Variants in SNAPC4 observed in about 807,000 individuals in gnomAD.
SNAPC4 encodes small nuclear RNA activating complex polypeptide 4, also known as snRNA-activating protein complex subunit 4.
SNAPC4 carries 127 observed loss-of-function variants against 151.3 expected under a neutral mutation model. That is an observed-to-expected ratio of 0.84 (90% CI 0.73 to 0.97). The LOEUF is 0.97. Ranked by LOEUF, SNAPC4 falls within the 50% of genes least tolerant of loss-of-function variation. The probability of loss-of-function intolerance (pLI) is 0.00; values close to 1 mark genes in which losing one functional copy is unlikely to be tolerated. For missense variants in SNAPC4, 2,186 were observed against 1,935.0 expected, an observed-to-expected ratio of 1.13 and a Z score of -2.43; for synonymous variants, 1,002 against 824.4, an observed-to-expected ratio of 1.22 and a Z score of -3.69.
rs773323367 is a variant in SNAPC4 at position 136,392,773 on chromosome 9, C to G, written c.637G>C (p.Glu213Gln). ...RLLQPKLLKL[E>Q]YLHQKQSKVS... ...TTGCTCTGCTTCTGGTGCAAGTACT[C>G]GAGCCTGCAAAGCAGAGCAGAGGCA... is the stretch of plus-strand genomic sequence containing the variant. The change falls in exon 8 of 24, where the codon GAG becomes CAG. Residue 213 changes from glutamate (E) to glutamine (Q), a missense_variant. By Grantham distance (29) the Glu-to-Gln change is conservative. Transcript: ENST00000684778. 2.5e-6 allele frequency: 4 copies of G among 1,613,174 alleles called. No individual in the cohort carries two copies. The highest frequency in any genetic ancestry group is 3.4e-6 in the Non-Finnish European group (4 of 1,179,942).
At position 136,392,076 on chromosome 9, in the gene SNAPC4, G is replaced by C. The variant is rs145617474; in HGVS notation, c.841C>G (p.Arg281Gly). 3 of 1,612,424 alleles carry C rather than the reference G, an allele frequency of 1.9e-6. No homozygotes were observed. Among genetic ancestry groups the C allele is most frequent in the Admixed American group, 3.3e-5 (2 of 59,998 alleles). ...TGCTCCGAGTTCTGCCAGAACTTCC[G>C]GATCTCCTCTGCACTGCGGCTGCCT... ...FEGSRSAEEI[R>G]KFWQNSEHPS... The change falls in exon 10 of 24, where the codon CGG becomes GGG. Residue 281 changes from arginine to glycine, a missense_variant. Arg to Gly is a moderately radical substitution (Grantham distance 125). Coordinates refer to ENST00000684778, the MANE Select transcript of SNAPC4 (RefSeq NM_003086.4).
At position 136,377,966 on chromosome 9, in the gene SNAPC4, C is replaced by T. The variant is rs1171156802; in HGVS notation, c.3861G>A (p.Gly1287=). 19 of 1,602,428 alleles carry T rather than the reference C, an allele frequency of 1.2e-5. No individual in the cohort carries two copies. The highest frequency in any genetic ancestry group is 2.2e-5 in the East Asian group (1 of 44,660). The change falls in exon 22 of 24, where the codon GGG becomes GGA. Residue 1287 remains glycine (G), a synonymous_variant. Coordinates refer to ENST00000684778, the MANE Select transcript of SNAPC4 (RefSeq NM_003086.4). ...GAGGCACACGCACCCCCCGCTGGCCCCCCAGCCACTGCTGTGTGGCCGCCT... is the reference window on the plus strand; with the variant it reads ...GAGGCACACGCACCCCCCGCTGGCCTCCCAGCCACTGCTGTGTGGCCGCCT... ...EGEAATQQWL[G]GQRGVRVPLL...
intron 2 of SNAPC4, 74 bp from the exon 3 acceptor site, chr9:136,397,097 T>C: frequency 1.5e-6 from 2 of 1,310,840 alleles, no homozygotes; most frequent in Non-Finnish European, 2.2e-6. Flanking sequence ...TCACCACTGC[T>C]TCTTGGGCAG....
intron 13 of SNAPC4, 127 bp downstream of exon 13, chr9:136,387,358 A>C: frequency 1.3e-6 from 1 of 744,712 alleles, no homozygotes; most frequent in Non-Finnish European, 2.4e-6. Context: ...CTGGTCAGCG[A>C]CCCACACGGG....
chr9:136,395,548 G>A (rs569679836), intron 4 of SNAPC4, 55 bp downstream of exon 4: 46 of 1,569,572 alleles, frequency 2.9e-5, no homozygotes, highest in Admixed American at 1.4e-4. Context: ...GCCCAGCTGT[G>A]GGGGGCTCTG....
At chr9:136,380,701 C>T (rs1387078271) in intron 20 of SNAPC4, 39 bp downstream of exon 20, 2 of 1,154,120 alleles carry the variant, frequency 1.7e-6, no homozygotes, top group Non-Finnish European at 2.6e-6. Flanking sequence ...CCGGGGCGGG[C>T]AGTGGCCATC....
At position 136,392,710 on chromosome 9, in the gene SNAPC4, G is replaced by C; in HGVS notation, c.700C>G (p.Gln234Glu). 1 of 1,613,742 alleles carries C rather than the reference G, an allele frequency of 6.2e-7. No homozygotes were observed. Among genetic ancestry groups the C allele is most frequent in the Non-Finnish European group, 8.5e-7 (1 of 1,180,018 alleles). Residue 234 changes from glutamine to glutamate, a missense_variant, in exon 8 of 24, where the codon CAG (glutamine) becomes GAG (glutamate). Physicochemically the swap from Gln to Glu is conservative, Grantham distance 29. Coordinates refer to ENST00000684778, the MANE Select transcript of SNAPC4 (RefSeq NM_003086.4). Reference protein sequence around the residue: ...SELERQALEKQGREAEKEIQD... With the variant: ...SELERQALEKEGREAEKEIQD... The stretch of plus-strand genomic sequence containing the variant: ...ATCTCCTTCTCGGCTTCCCTGCCCT[G>C]CTTCTCCAGGGCTTGCCTCTCCAGC...
chr9:136,377,551 G>C lies in SNAPC4; in HGVS notation c.4276C>G (p.Pro1426Ala). ...CTGGGCGCCCACCCTACCTGAATGG[G>C]GCATGTGGCTGTCGTGCAGCCCGGC... ...GQPGCTTATC[P>A]IQGAPDSGKC... The change falls in exon 22 of 24, where the codon CCC (proline) becomes GCC (alanine). Residue 1426 changes from proline (P) to alanine (A), a missense_variant. Coordinates refer to ENST00000684778, the MANE Select transcript of SNAPC4 (RefSeq NM_003086.4). 1 of 1,515,994 alleles carries C rather than the reference G, an allele frequency of 6.6e-7. No homozygotes were observed. Among genetic ancestry groups the C allele is most frequent in the Non-Finnish European group, 8.8e-7 (1 of 1,131,476 alleles). 93.9% of individuals were successfully genotyped at this position (1,515,994 alleles called of 1,614,324 possible).
intron 14 of SNAPC4, among the ~76,000 whole-genome samples, chr9:136,384,460 A>G (rs1833821156): frequency 6.6e-6 from 1 of 152,202 alleles, no homozygotes; most frequent in African/African-American, 2.4e-5. Context: ...CTAAGGGGAC[A>G]TTGCAAATAT....
In SNAPC4 at chr9:136,383,092, G is replaced by A. The variant is rs2131471208; in HGVS notation, c.1983+94C>T. The A allele has an allele frequency of 1.4e-5, 20 of 1,462,454 alleles. No individual in the cohort carries two copies. In the South Asian group the frequency reaches 2.9e-4, roughly 21 times the overall value. The allele number at this position is 1,462,454 out of a possible 1,614,324, so 90.6% of individuals were successfully genotyped here. A position where few individuals can be genotyped will look rare whatever the true frequency, so the allele number is the denominator to read the frequency against. ...GCACGTTCTGATGCACACGAACCCT[G>A]GGGCCCCTGCTGCTGCACTATCCCC... On this transcript the variant is annotated intron_variant, in intron 16 of 23. Coordinates refer to ENST00000684778, the MANE Select transcript of SNAPC4 (RefSeq NM_003086.4). The surrounding 1 kb of genome is among the most constrained non-coding windows in gnomAD (Gnocchi z 4.2).
intron 2 of SNAPC4, 24 bp from the exon 3 acceptor site, chr9:136,397,047 G>A (rs778159427): frequency 1.6e-5 from 25 of 1,609,650 alleles, no homozygotes; most frequent in South Asian, 5.5e-5. Context: ...AAGCAACACC[G>A]TGTTGGTAAC....
chr9:136,388,065 C>T (rs1386243221), intron 11 of SNAPC4, among the ~76,000 whole-genome samples: 1 of 152,142 alleles, frequency 6.6e-6, no homozygotes, highest in African/African-American at 2.4e-5. Context: ...GTCAGGAGTT[C>T]GAGACCAGCC....
chr9:136,380,529 G>C (rs556122302), intron 20 of SNAPC4, among the ~76,000 whole-genome samples: 2 of 152,336 alleles, frequency 1.3e-5, no homozygotes, highest in African/African-American at 4.8e-5. Context: ...GGGGAAAACA[G>C]GCACGTGGGC....
chr9:136,398,269 A>C, intron 2 of SNAPC4, 30 bp downstream of exon 2: 1 of 1,594,206 alleles, frequency 6.3e-7, no homozygotes, highest in South Asian at 1.1e-5. Context: ...TCTTACCAGG[A>C]CCCCAGGAGG....
Position 136,394,299 on chromosome 9 carries a change from C to T in SNAPC4, c.582G>A (p.Lys194=), listed in dbSNP as rs1834183419. The T allele has an allele frequency of 1.2e-6, 2 of 1,613,886 alleles. No individual in the cohort carries two copies. Among genetic ancestry groups the T allele is most frequent in the African/African-American group, 2.7e-5 (2 of 74,958 alleles). Reference sequence around the variant, plus strand: ...GCTGCAGGCGGTCACTCACCACTGACTTTCGGAGCAAGGCCTTTTCCCAGT... The same window carrying T: ...GCTGCAGGCGGTCACTCACCACTGATTTTCGGAGCAAGGCCTTTTCCCAGT... ...WKNWEKALLR[K]SVVSDRLQRL... The change falls in exon 7 of 24, where the codon AAG becomes AAA. Residue 194 remains lysine, a synonymous_variant. Coordinates refer to ENST00000684778, the MANE Select transcript of SNAPC4 (RefSeq NM_003086.4).
Position 136,378,807 on chromosome 9 carries a change from G to A in SNAPC4, c.3020C>T (p.Pro1007Leu), listed in dbSNP as rs3812566. The A allele has an allele frequency of 3.8e-6, 6 of 1,584,278 alleles. No homozygotes were observed. The highest frequency in any genetic ancestry group is 5.2e-6 in the Non-Finnish European group (6 of 1,164,516). The change falls in exon 22 of 24, where the codon CCT becomes CTT. Residue 1007 changes from proline to leucine, a missense_variant. Coordinates refer to ENST00000684778, the MANE Select transcript of SNAPC4 (RefSeq NM_003086.4). ...AGAGATCTGGCCGGGGCCCAGGGCA[G>A]GGGCTTGGGAAGCAGCAGGGGCTGT... ...EGTAPAASQA[P>L]ALGPGQISVS...
intron 14 of SNAPC4, among the ~76,000 whole-genome samples, 165 bp downstream of exon 14, chr9:136,384,555 G>A (rs943745025): frequency 2.0e-5 from 3 of 152,170 alleles, no homozygotes; most frequent in South Asian, 2.1e-4. Flanking sequence ...AGGCTGGGGC[G>A]GGAGGATGGC....
Position 136,392,789 on chromosome 9 carries a change from A to G in SNAPC4, c.633-12T>C. The stretch of plus-strand genomic sequence containing the variant: ...GCAAGTACTCGAGCCTGCAAAGCAG[A>G]GCAGAGGCAGAAGGGCTGGGGCACG... On this transcript the variant is annotated splice_polypyrimidine_tract_variant and intron_variant, in intron 7 of 23. Transcript: ENST00000684778. 2 of 1,611,980 alleles carry G rather than the reference A, an allele frequency of 1.2e-6. No individual in the cohort carries two copies. Among genetic ancestry groups the G allele is most frequent in the East Asian group, 2.2e-5 (1 of 44,866 alleles).
rs1046588768 is a variant in SNAPC4 at position 136,378,867 on chromosome 9, A to G, written c.2960T>C (p.Leu987Pro). Residue 987 changes from leucine to proline, a missense_variant, in exon 22 of 24, where the codon CTG becomes CCG. Physicochemically the swap from Leu to Pro is moderately conservative, Grantham distance 98 (BLOSUM62 -3). Coordinates refer to ENST00000684778, the MANE Select transcript of SNAPC4 (RefSeq NM_003086.4). Reference protein sequence around the residue: ...KDKRLSTMQALPLAPVFSEAE... With the variant: ...KDKRLSTMQAPPLAPVFSEAE... ...CTCTGAGAAGACAGGAGCGAGGGGC[A>G]GGGCTTGCATGGTGGAGAGTCTCTT... 11 of 1,610,066 alleles carry G rather than the reference A, an allele frequency of 6.8e-6. No homozygotes were observed. Among genetic ancestry groups the G allele is most frequent in the Non-Finnish European group, 9.3e-6 (11 of 1,178,968 alleles).
Sources: gnomAD v4.1 joint callset for allele counts (sites outside exome capture counted in the v4.1 genomes callset) on GRCh38, gnomAD v4.1.1 for gene constraint, Gnocchi (gnomAD v3.1) non-coding constraint, MANE v1.5 for transcripts, NCBI Gene and HGNC (gene_info 2026-07-23, HGNC 2026-07-21) for gene names.